Variants in TIAM1 observed in about 807,000 individuals in gnomAD.
The protein encoded by TIAM1 is rho guanine nucleotide exchange factor TIAM1.
In TIAM1, 65 loss-of-function variants were observed where a neutral mutation model predicts 163.5. That is an observed-to-expected ratio of 0.40 (90% confidence interval 0.33 to 0.49). The LOEUF is 0.49. Among genes scored for constraint, TIAM1 ranks in the 20% least tolerant of loss-of-function variants. The pLI is 0.77. For missense variants in TIAM1, 1,789 were observed against 2,044.7 expected (o/e 0.87, Z 2.41); for synonymous variants, 833 against 810.1 (o/e 1.03, Z -0.48).
chr21:31,375,532 T>C (rs1377814493), intron 2 of TIAM1, among the ~76,000 whole-genome samples: 2 of 137,874 alleles, frequency 1.5e-5, no homozygotes, highest in Non-Finnish European at 3.1e-5. Context: ...TTCATTCATA[T>C]ATAGAAAAGG....
intron 1 of TIAM1, among the ~76,000 whole-genome samples, chr21:31,537,869 T>C (rs1177025654): frequency 6.6e-6 from 1 of 152,232 alleles, no homozygotes; most frequent in Non-Finnish European, 1.5e-5. Flanking sequence ...ATAATCTTTT[T>C]AATCTTGAAA....
chr21:31,382,546 GT>G (rs1462037090), intron 2 of TIAM1, among the ~76,000 whole-genome samples: 1 of 152,136 alleles, frequency 6.6e-6, no homozygotes, highest in East Asian at 1.9e-4. Flanking sequence ...TCTTTGATCT[GT>G]TTTTTTCCGA....
At chr21:31,417,391 C>G (rs2043408731) in intron 2 of TIAM1, among the ~76,000 whole-genome samples, 1 of 152,136 alleles carries the variant, frequency 6.6e-6, no homozygotes, top group Admixed American at 6.5e-5. Flanking sequence ...GGAGGCCTCA[C>G]AGTCACAGCA....
upstream of TIAM1, among the ~76,000 whole-genome samples, chr21:31,344,478 G>A (rs1215714344): frequency 1.3e-5 from 2 of 152,158 alleles, no homozygotes; most frequent in Non-Finnish European, 2.9e-5. Flanking sequence ...ACCATTTTAC[G>A]GATGAACCTG....
chr21:31,176,811 G>A (rs1013634547), intron 15 of TIAM1, among the ~76,000 whole-genome samples: 8 of 152,000 alleles, frequency 5.3e-5, no homozygotes, highest in Non-Finnish European at 1.2e-4. Flanking sequence ...ACCTAAGGCA[G>A]TGGCTCCCAA....
intron 14 of TIAM1, among the ~76,000 whole-genome samples, chr21:31,185,847 T>C (rs2085278845): frequency 6.6e-6 from 1 of 151,762 alleles, no homozygotes; most frequent in Non-Finnish European, 1.5e-5. Flanking sequence ...CAGGCAGAGA[T>C]TGGAGTGATA....
chr21:31,444,922 T>C (rs547525224), intron 2 of TIAM1, among the ~76,000 whole-genome samples: 217 of 152,130 alleles, frequency 1.4e-3, no homozygotes, highest in Non-Finnish European at 2.4e-3. Context: ...TGCTTGAACC[T>C]GGGAGGCGGA....
intron 2 of TIAM1, among the ~76,000 whole-genome samples, chr21:31,411,210 G>A (rs546248559): frequency 1.3e-5 from 2 of 152,298 alleles, no homozygotes; most frequent in East Asian, 3.9e-4. Context: ...AGAAGCTGGG[G>A]CTGTGCCTTG....
chr21:31,544,533 C>T (rs559556713), intron 1 of TIAM1, among the ~76,000 whole-genome samples: 22 of 152,202 alleles, frequency 1.4e-4, no homozygotes, highest in Admixed American at 1.4e-3. Flanking sequence ...GAGGCTGAGG[C>T]AGGAGAATCA....
chr21:31,410,460 T>C (rs2077333355), intron 2 of TIAM1, among the ~76,000 whole-genome samples: 1 of 151,136 alleles, frequency 6.6e-6, no homozygotes, highest in Non-Finnish European at 1.5e-5. Context: ...GTTACGTATG[T>C]GAGCATGTGT....
intron 1 of TIAM1, among the ~76,000 whole-genome samples, chr21:31,470,119 C>G (rs910556306): frequency 8.0e-5 from 12 of 150,278 alleles, no homozygotes; most frequent in African/African-American, 2.9e-4. Context: ...ATTCTCCTGC[C>G]TCAGCCTCTC....
chr21:31,389,357 T>C (rs1471577383), intron 2 of TIAM1, among the ~76,000 whole-genome samples: 2 of 152,098 alleles, frequency 1.3e-5, no homozygotes, highest in African/African-American at 4.8e-5. Context: ...TACAGGTGCC[T>C]TCCACCACAC....
intron 5 of TIAM1, among the ~76,000 whole-genome samples, chr21:31,250,924 G>A (rs1437461881): frequency 6.6e-6 from 1 of 152,194 alleles, no homozygotes; most frequent in Admixed American, 6.5e-5. Flanking sequence ...ATGCATGTCT[G>A]TATCTATATA....
chr21:31,155,653 C>T lies in TIAM1; in HGVS notation c.2992-1227G>A, dbSNP rs985418287. On this transcript the variant is annotated intron_variant, in intron 16 of 27. Transcript: ENST00000541036. ...CCGAGCAGCTGGGACTACAGGCGCC[C>T]GCCACCACGCCCGGCTATTTTTTTG... Among the ~76,000 whole-genome samples, 4 of 152,252 alleles carry T rather than the reference C, an allele frequency of 2.6e-5. No homozygotes were observed. In the South Asian group the frequency reaches 6.2e-4, roughly 24 times the overall value.
chr21:31,325,613 A>C (rs2075460295), intron 2 of TIAM1, among the ~76,000 whole-genome samples: 1 of 150,254 alleles, frequency 6.7e-6, no homozygotes, highest in Non-Finnish European at 1.5e-5. Context: ...GGTTGCAGTG[A>C]GCCAAGATGG....
intron 2 of TIAM1, among the ~76,000 whole-genome samples, chr21:31,314,179 A>C (rs2075027471): frequency 6.6e-6 from 1 of 151,920 alleles, no homozygotes; most frequent in African/African-American, 2.4e-5. Flanking sequence ...AGTGAGGCCA[A>C]GGAGGAGAAG....
At chr21:31,183,460 A>T (rs953888439) in intron 14 of TIAM1, among the ~76,000 whole-genome samples, 1 of 152,164 alleles carries the variant, frequency 6.6e-6, no homozygotes, top group African/African-American at 2.4e-5. Context: ...TCAGCTAGGG[A>T]GAGAAAAGGA....
In TIAM1 at chr21:31,471,261, C is replaced by A. The variant is rs560282874; in HGVS notation, c.-421-7226G>T. Among the ~76,000 whole-genome samples the A allele has an allele frequency of 7.3e-4, 111 of 152,226 alleles. 1 individual carries two copies. The highest frequency in any genetic ancestry group is 2.5e-3 in the African/African-American group (103 of 41,546). ...CCCGGTGGGCATCGGTCAGCCCTTC[C>A]GGAGCCCAGATCCGCCCCTCAGGAG... On this transcript the variant is annotated intron_variant, in intron 1 of 28. Coordinates refer to the TIAM1 transcript ENST00000286827.
intron 16 of TIAM1, among the ~76,000 whole-genome samples, chr21:31,155,760 C>A (rs1272557306): frequency 6.6e-6 from 1 of 152,202 alleles, no homozygotes; most frequent in Non-Finnish European, 1.5e-5. Flanking sequence ...CTTGGCCTCC[C>A]AAAGTGCTGG....
Sources: allele counts gnomAD v4.1 joint callset (sites outside exome capture counted in the v4.1 genomes callset), GRCh38; gene constraint gnomAD v4.1.1; transcripts MANE v1.5; gene names NCBI Gene and HGNC (gene_info 2026-07-23, HGNC 2026-07-21).